CENPU: variants seen among roughly 807,000 people sequenced by gnomAD.
CENPU encodes KSHV latent nuclear antigen interacting protein 1.
CENPU carries 46 observed loss-of-function variants against 56.7 expected under a neutral mutation model. The ratio of observed to expected loss-of-function variants is 0.81; its 90% CI spans 0.64 to 1.04. The LOEUF (loss-of-function observed/expected upper bound fraction) is 1.04, where lower values mean the gene tolerates loss of function less well. Among genes scored for constraint, CENPU ranks in the 50% least tolerant of loss-of-function variants. The pLI, the probability that CENPU is intolerant of heterozygous loss-of-function variation, is 0.00. For synonymous variants in CENPU, 166 were observed against 163.0 expected, an observed-to-expected ratio of 1.02 and a Z score of -0.14; for missense variants, 510 against 490.1, an observed-to-expected ratio of 1.04 and a Z score of -0.38.
chr4:184,704,638 T>C (rs916239149), intron 8 of CENPU, among the ~76,000 whole-genome samples: 4 of 152,162 alleles, frequency 2.6e-5, no homozygotes, highest in African/African-American at 7.2e-5. Flanking sequence ...TGCTATGACA[T>C]GGGTGAGCCT....
intron 3 of CENPU, among the ~76,000 whole-genome samples, chr4:184,727,515 GT>G (rs891001405): frequency 1.1e-4 from 17 of 152,330 alleles, no homozygotes; most frequent in Admixed American, 4.6e-4. Flanking sequence ...AACTCAGTAA[GT>G]TTTGGTGAAG....
At chr4:184,704,084 A>G (rs938958921) in intron 8 of CENPU, among the ~76,000 whole-genome samples, 1 of 144,152 alleles carries the variant, frequency 6.9e-6, no homozygotes, top group Non-Finnish European at 1.5e-5. Context: ...AACATACTTC[A>G]TCTTTTTTTT....
At position 184,694,390 on chromosome 4, in the gene CENPU, A is replaced by C; in HGVS notation, c.*898T>G. Reference sequence around the variant, plus strand: ...CCCACGGTGAGATATCGGAGACAGCATTCCTCCTGCATATTCACTTTAGTA... The same window carrying C: ...CCCACGGTGAGATATCGGAGACAGCCTTCCTCCTGCATATTCACTTTAGTA... On this transcript the variant is annotated 3_prime_UTR_variant, in exon 13 of 13. Transcript: ENST00000281453. 1 of 1,423,466 alleles carries C rather than the reference A, an allele frequency of 7.0e-7. No homozygotes were observed. 88.2% of individuals were successfully genotyped at this position (1,423,466 alleles called of 1,614,324 possible).
Position 184,730,919 on chromosome 4 carries a change from C to T in CENPU, c.96+1G>A. 6.3e-7 allele frequency: 1 copy of T among 1,577,738 alleles called. No homozygotes were observed. Among genetic ancestry groups the T allele is most frequent in the Non-Finnish European group, 8.6e-7 (1 of 1,169,340 alleles). ...AACCACAACACAAAAAGGTAACTTA[C>T]ATCTTTCATGGAATGTGTTCTTTCT... On this transcript the variant is annotated splice_donor_variant, in intron 2 of 12. Coordinates refer to ENST00000281453, the MANE Select transcript of CENPU (RefSeq NM_024629.4). LOFTEE classifies it high-confidence loss of function.
At chr4:184,715,404 C>T (rs1001811753) in intron 6 of CENPU, among the ~76,000 whole-genome samples, 7 of 152,122 alleles carry the variant, frequency 4.6e-5, no homozygotes, top group Middle Eastern at 3.2e-3. Context: ...CTCCACCTCC[C>T]GGGTTCAAGG....
At position 184,733,428 on chromosome 4, in the gene CENPU, T is replaced by C. The variant is rs1761726925; in HGVS notation, c.47+588A>G. Reference sequence around the variant, plus strand: ...CGCCAGATCCAGGCCGGGCCTTGGATGGCCATTCGCCAACGAATCAGCGAC... The same window carrying C: ...CGCCAGATCCAGGCCGGGCCTTGGACGGCCATTCGCCAACGAATCAGCGAC... On this transcript the variant is annotated intron_variant, in intron 1 of 12. Transcript: ENST00000281453. The C allele has an allele frequency of 3.0e-6, 3 of 992,816 alleles. No individual in the cohort carries two copies. In the Admixed American group the frequency reaches 1.7e-4, roughly 57 times the overall value. The allele number at this position is 992,816 out of a possible 1,614,324, so 61.5% of individuals were successfully genotyped here.
chr4:184,718,223 C>T (rs1414453504), intron 4 of CENPU, among the ~76,000 whole-genome samples: 1 of 152,208 alleles, frequency 6.6e-6, no homozygotes, highest in Non-Finnish European at 1.5e-5. Context: ...GGGGCCTCGA[C>T]GTTTCTGCCC....
At chr4:184,700,736 G>T (rs998947615) in intron 11 of CENPU, 84 bp downstream of exon 11, 8 of 1,184,666 alleles carry the variant, frequency 6.8e-6, no homozygotes, top group South Asian at 3.6e-5. Context: ...ATACATCACA[G>T]CAGCAAGTGT....
intron 3 of CENPU, among the ~76,000 whole-genome samples, chr4:184,727,041 A>G (rs9991350): frequency 0.16 from 23,582 of 143,856 alleles, 2,407 homozygotes; most frequent in African/African-American, 0.24. Context: ...GCTTGAACCC[A>G]GGAGGTGGAG....
chr4:184,699,474 G>A (rs568857749), intron 11 of CENPU: 13 of 885,886 alleles, frequency 1.5e-5, no homozygotes, highest in South Asian at 6.9e-5. Flanking sequence ...CATAGGAAGC[G>A]TTTAGGAAAG....
At position 184,733,802 on chromosome 4, in the gene CENPU, C is replaced by T. The variant is rs185359204; in HGVS notation, c.47+214G>A. The stretch of plus-strand genomic sequence containing the variant: ...GACACTGGCTGACGTCTCTCCCACC[C>T]GCCAGGCAGTGTTAGGCCCCGACAG... On this transcript the variant is annotated intron_variant, in intron 1 of 12. Coordinates refer to ENST00000281453, the MANE Select transcript of CENPU (RefSeq NM_024629.4). Among the ~76,000 whole-genome samples the T allele has an allele frequency of 3.6e-3, 550 of 152,356 alleles. 14 individuals carry two copies. The highest frequency in any genetic ancestry group is 0.032 in the Admixed American group (484 of 15,306).
intron 6 of CENPU, among the ~76,000 whole-genome samples, chr4:184,716,141 C>A (rs971786350): frequency 6.6e-6 from 1 of 151,820 alleles, no homozygotes; most frequent in African/African-American, 2.4e-5. Context: ...CGCCATATTG[C>A]CCAGGCTGGT....
intron 12 of CENPU, among the ~76,000 whole-genome samples, 165 bp downstream of exon 12, chr4:184,697,482 T>G (rs959183812): frequency 6.6e-6 from 1 of 152,200 alleles, no homozygotes; most frequent in Non-Finnish European, 1.5e-5. Context: ...CTAAGAAAAG[T>G]GCTGATATAA....
At chr4:184,704,601 C>T (rs147803524) in intron 8 of CENPU, among the ~76,000 whole-genome samples, 68 of 152,222 alleles carry the variant, frequency 4.5e-4, no homozygotes, top group Non-Finnish European at 7.8e-4. Context: ...GAATATGATT[C>T]CACCTTAATA....
intron 8 of CENPU, among the ~76,000 whole-genome samples, chr4:184,707,422 C>A (rs566506392): frequency 6.6e-6 from 1 of 152,264 alleles, no homozygotes; most frequent in African/African-American, 2.4e-5. Flanking sequence ...AAGACTGAAA[C>A]TGGGGTTGGA....
Position 184,728,943 on chromosome 4 carries a change from T to C in CENPU, c.189A>G (p.Lys63=). 6.2e-7 allele frequency: 1 copy of C among 1,614,040 alleles called. No homozygotes were observed. ...CAAAGGTCTCATAAGTTTCTTCATCTTTCTCATTTTCACCCAGCCTGCCAA... is the reference window on the plus strand; with the variant it reads ...CAAAGGTCTCATAAGTTTCTTCATCCTTCTCATTTTCACCCAGCCTGCCAA... The part of the protein sequence containing the change: ...SSIGRLGENE[K]DEETYETFDP... The change falls in exon 3 of 13, where the codon AAA becomes AAG. Residue 63 remains lysine (K), a synonymous_variant. Coordinates refer to ENST00000281453, the MANE Select transcript of CENPU (RefSeq NM_024629.4).
At chr4:184,712,119 C>CAAAA (rs10650384) in intron 7 of CENPU, among the ~76,000 whole-genome samples, 19 of 80,684 alleles carry the variant, frequency 2.4e-4, no homozygotes, top group African/African-American at 8.5e-4. Context: ...GACTCAGTCT[C>CAAAA]AAAAAAAAAA....
intron 1 of CENPU, 51 bp downstream of exon 1, chr4:184,733,965 C>CAGT: frequency 6.2e-7 from 1 of 1,608,420 alleles, no homozygotes. Flanking sequence ...GGCGAGGAAG[C>CAGT]AGTTCAAGCT....
intron 12 of CENPU, 84 bp downstream of exon 12, chr4:184,697,562 TC>T (rs1320861805): frequency 7.7e-7 from 1 of 1,304,346 alleles, no homozygotes; most frequent in Non-Finnish European, 1.1e-6. Context: ...CATTTGTCTT[TC>T]CCCAAAGCTT....
Sources: allele counts gnomAD v4.1 joint callset (sites outside exome capture counted in the v4.1 genomes callset), GRCh38; gene constraint gnomAD v4.1.1; transcripts MANE v1.5; gene names NCBI Gene and HGNC (gene_info 2026-07-23, HGNC 2026-07-21).